The following LRRC27 variants were observed in gnomAD, a reference collection of about 807,000 sequenced individuals.
LRRC27 encodes leucine-rich repeat-containing protein 27.
Under a neutral mutation model 55.0 loss-of-function variants are expected in LRRC27, and 57 were observed. The ratio of observed to expected loss-of-function variants is 1.04; its 90% CI spans 0.84 to 1.29. The LOEUF (loss-of-function observed/expected upper bound fraction) is 1.29, where lower values mean the gene tolerates loss of function less well. Among genes scored for constraint, LRRC27 ranks in the 50% most tolerant of loss-of-function variants. The pLI, the probability that LRRC27 is intolerant of heterozygous loss-of-function variation, is 0.00. For missense variants in LRRC27, 721 were observed against 651.5 expected, an observed-to-expected ratio of 1.11 and a Z score of -1.16; for synonymous variants, 278 against 251.9, an observed-to-expected ratio of 1.10 and a Z score of -0.98.
At chr10:132,343,701 A>G (rs1192537766) in intron 4 of LRRC27, among the ~76,000 whole-genome samples, 2 of 152,272 alleles carry the variant, frequency 1.3e-5, no homozygotes, top group East Asian at 1.9e-4. Flanking sequence ...CTTAACCTAC[A>G]TGTGAAAAGC....
At chr10:132,331,872 C>A, upstream of LRRC27, 1 of 1,261,602 alleles carries the variant, frequency 7.9e-7, no homozygotes. Context: ...CGCGTGCGTG[C>A]GCAGGCGCAC....
intron 10 of LRRC27, among the ~76,000 whole-genome samples, chr10:132,365,945 T>C (rs776521203): frequency 2.0e-5 from 3 of 152,262 alleles, no homozygotes; most frequent in Non-Finnish European, 4.4e-5. Context: ...GCATGCGCTC[T>C]CTAAAACCGT....
rs1198229838 is a variant in LRRC27, at chr10:132,372,964, G to A, written c.1417-2102G>A. Reference sequence around the variant, plus strand: ...CCTCAGCTGTTGAGGGAAGCCCCAAGGTGAGGGAGAGGCCAAAGCCAGCCG... The same window carrying A: ...CCTCAGCTGTTGAGGGAAGCCCCAAAGTGAGGGAGAGGCCAAAGCCAGCCG... On this transcript the variant is annotated intron_variant, in intron 10 of 10. Transcript: ENST00000368614. This position sits in a 1 kb window ranked among gnomAD's most constrained non-coding sequence, Gnocchi z 4.0. 1.3e-4 allele frequency among the ~76,000 whole-genome samples: 20 copies of A among 152,114 alleles called. No homozygotes were observed. The highest frequency in any genetic ancestry group is 4.4e-5 in the Non-Finnish European group (3 of 68,018).
At chr10:132,342,453 A>G (rs2067459843) in intron 4 of LRRC27, among the ~76,000 whole-genome samples, 182 bp downstream of exon 4, 1 of 152,216 alleles carries the variant, frequency 6.6e-6, no homozygotes, top group South Asian at 2.1e-4. Flanking sequence ...TACTGTTCTT[A>G]TGGAGGTGTG....
In LRRC27 at chr10:132,354,604, G is replaced by A. The variant is rs577417322; in HGVS notation, c.1074-1186G>A. 4.0e-3 allele frequency among the ~76,000 whole-genome samples: 612 copies of A among 152,312 alleles called. 5 individuals are homozygous for A. Among genetic ancestry groups the A allele is most frequent in the African/African-American group, 0.013 (529 of 41,572 alleles). ...CCCTGAGGTGGCACTGGGAGAGGACGCAGCCAGGCTCTGATCCCAGGCAGC... is the reference window on the plus strand; with the variant it reads ...CCCTGAGGTGGCACTGGGAGAGGACACAGCCAGGCTCTGATCCCAGGCAGC... On this transcript the variant is annotated intron_variant, in intron 7 of 10. Coordinates refer to ENST00000368614, the MANE Select transcript of LRRC27 (RefSeq NM_030626.3).
chr10:132,350,204 A>G (rs1158185946), intron 6 of LRRC27, among the ~76,000 whole-genome samples: 1 of 152,236 alleles, frequency 6.6e-6, no homozygotes, highest in Non-Finnish European at 1.5e-5. Flanking sequence ...ATCATAGGTA[A>G]ATAATGGTCT....
intron 3 of LRRC27, among the ~76,000 whole-genome samples, chr10:132,339,239 C>T (rs2067279176): frequency 6.6e-6 from 1 of 152,196 alleles, no homozygotes; most frequent in Admixed American, 6.5e-5. Context: ...GCCATGGTGG[C>T]CTCCGTGGGA....
chr10:132,344,688 T>C, intron 5 of LRRC27, 38 bp downstream of exon 5: 1 of 1,603,438 alleles, frequency 6.2e-7, no homozygotes, highest in Non-Finnish European at 8.5e-7. Flanking sequence ...CACATTAACG[T>C]TGAAGTTACA....
chr10:132,347,950 T>C (rs2067800592), intron 5 of LRRC27, 34 bp from the exon 6 acceptor site: 1 of 1,550,580 alleles, frequency 6.4e-7, no homozygotes, highest in East Asian at 2.3e-5. Flanking sequence ...ATGGCGTTGA[T>C]GGTAGCTACT....
intron 10 of LRRC27, among the ~76,000 whole-genome samples, chr10:132,371,425 G>C (rs768982288): frequency 6.6e-5 from 10 of 152,212 alleles, no homozygotes; most frequent in Non-Finnish European, 1.0e-4. Flanking sequence ...GCCAACAGAC[G>C]TGGCCCTTCC....
rs1043632776 is a variant in LRRC27 at position 132,374,943 on chromosome 10, G to A, written c.1417-123G>A. On this transcript the variant is annotated intron_variant, in intron 10 of 10. Coordinates refer to ENST00000368614, the MANE Select transcript of LRRC27 (RefSeq NM_030626.3). This position sits in a 1 kb window ranked among gnomAD's most constrained non-coding sequence, Gnocchi z 4.4. ...TGCGGCTTGCAGGGGCCCCGGGGCA[G>A]CGGGGCTGGCTCTGCTGACGCCCAC... The A allele has an allele frequency of 1.8e-6, 2 of 1,085,602 alleles. No individual in the cohort carries two copies. Among genetic ancestry groups the A allele is most frequent in the African/African-American group, 1.6e-5 (1 of 63,172 alleles). The allele number at this position is 1,085,602 out of a possible 1,614,324, so 67.2% of individuals were successfully genotyped here. A position where few individuals can be genotyped will look rare whatever the true frequency, so the allele number is the denominator to read the frequency against.
Position 132,337,692 on chromosome 10 carries a change from A to G in LRRC27, c.338A>G (p.His113Arg), listed in dbSNP as rs781443629. Residue 113 changes from histidine (H) to arginine (R), a missense_variant, in exon 3 of 11, where the codon CAC becomes CGC. Coordinates refer to ENST00000368614, the MANE Select transcript of LRRC27 (RefSeq NM_030626.3). ...IKALPSGIGA[H>R]QHLKTLLLER... The stretch of plus-strand genomic sequence containing the variant: ...GCGCTTCCTTCTGGGATTGGAGCTC[A>G]CCAGTAAGTTGTTTATGTTTCCAGA... The G allele has an allele frequency of 1.2e-6, 2 of 1,613,162 alleles. No homozygotes were observed. The highest frequency in any genetic ancestry group is 1.7e-6 in the Non-Finnish European group (2 of 1,179,680).
intron 3 of LRRC27, among the ~76,000 whole-genome samples, chr10:132,338,570 C>T (rs1404810868): frequency 6.6e-6 from 1 of 152,294 alleles, no homozygotes; most frequent in Middle Eastern, 3.4e-3. Context: ...GGCCCTTCCC[C>T]AGCAGCCAGG....
At position 132,344,544 on chromosome 10, in the gene LRRC27, G is replaced by A. The variant is rs150241406; in HGVS notation, c.447G>A (p.Leu149=). 1.7e-5 allele frequency: 28 copies of A among 1,614,100 alleles called. No individual in the cohort carries two copies. The African/African-American group carries it at 3.5e-4, about 20-fold the overall frequency. ...LKALNLRHCP[L]EFPPQLVVQK... ...CACTGAACCTAAGACACTGCCCTCT[G>A]GAATTCCCTCCTCAGCTCGTTGTGC... is the stretch of plus-strand genomic sequence containing the variant. The change falls in exon 5 of 11, where the codon CTG becomes CTA. Residue 149 remains leucine (L), a synonymous_variant. Coordinates refer to ENST00000368614, the MANE Select transcript of LRRC27 (RefSeq NM_030626.3).
At chr10:132,342,855 T>G (rs1169456324) in intron 4 of LRRC27, among the ~76,000 whole-genome samples, 1 of 152,218 alleles carries the variant, frequency 6.6e-6, no homozygotes, top group African/African-American at 2.4e-5. Context: ...TTTGGAGAAC[T>G]AATTTATGAG....
intron 4 of LRRC27, 116 bp from the exon 5 acceptor site, chr10:132,344,382 C>T: frequency 3.5e-6 from 4 of 1,133,084 alleles, no homozygotes; most frequent in African/African-American, 1.5e-5. Flanking sequence ...TGATTTTCCC[C>T]CAAATACTGA....
Position 132,363,239 on chromosome 10 carries a change from T to G in LRRC27, c.1289+1664T>G, listed in dbSNP as rs1479504521. On this transcript the variant is annotated intron_variant, in intron 9 of 10. Transcript: ENST00000368614. ...CTCTTACCTCACAGCAGCTCGGGGG[T>G]CAGGGGTTCATGAACCCTCTCACCT... Among the ~76,000 whole-genome samples, 4 of 119,662 alleles carry G rather than the reference T, an allele frequency of 3.3e-5. 1 individual carries two copies. Among genetic ancestry groups the G allele is most frequent in the Admixed American group, 8.1e-5 (1 of 12,288 alleles). 78.5% of individuals were successfully genotyped at this position (119,662 alleles called of 152,430 possible). A position where few individuals can be genotyped will look rare whatever the true frequency, so the allele number is the denominator to read the frequency against.
chr10:132,364,495 A>G (rs1564853719), intron 9 of LRRC27, among the ~76,000 whole-genome samples: 10 of 1,802 alleles, frequency 5.5e-3, no homozygotes, highest in Non-Finnish European at 0.017. Context: ...ACTTACACCC[A>G]CCCTTACATC....
intron 8 of LRRC27, among the ~76,000 whole-genome samples, chr10:132,360,008 A>G (rs1276153182): frequency 1.3e-5 from 2 of 152,224 alleles, no homozygotes; most frequent in Non-Finnish European, 2.9e-5. Flanking sequence ...AGTGGGAGTA[A>G]AATGTGGATG....
Sources: gnomAD v4.1 joint callset for allele counts (sites outside exome capture counted in the v4.1 genomes callset) on GRCh38, gnomAD v4.1.1 for gene constraint, Gnocchi (gnomAD v3.1) non-coding constraint, MANE v1.5 for transcripts, NCBI Gene and HGNC (gene_info 2026-07-23, HGNC 2026-07-21) for gene names.